INO80: variants seen among roughly 807,000 people sequenced by gnomAD.
INO80 encodes chromatin-remodeling ATPase INO80.
In INO80, 20 loss-of-function variants were observed where a neutral mutation model predicts 203.4. The ratio of observed to expected loss-of-function variants is 0.10; its 90% CI spans 0.07 to 0.14. The LOEUF (loss-of-function observed/expected upper bound fraction) is 0.14, where lower values mean the gene tolerates loss of function less well. Ranked by LOEUF, INO80 falls within the 10% of genes least tolerant of loss-of-function variation. The probability of loss-of-function intolerance (pLI) is 1.00; values close to 1 mark genes in which losing one functional copy is unlikely to be tolerated. For missense variants in INO80, 1,419 were observed against 1,914.4 expected, an observed-to-expected ratio of 0.74 and a Z score of 4.83; for synonymous variants, 726 against 685.2, an observed-to-expected ratio of 1.06 and a Z score of -0.93.
intron 10 of INO80, 24 bp downstream of exon 10, chr15:41,074,346 T>C (rs760914295): frequency 1.9e-6 from 3 of 1,548,430 alleles, no homozygotes; most frequent in Non-Finnish European, 2.6e-6. Context: ...GTAGCCTTCC[T>C]CTAAGTCCTG....
intron 27 of INO80, among the ~76,000 whole-genome samples, chr15:41,013,768 A>T (rs2044164591): frequency 6.6e-6 from 1 of 152,250 alleles, no homozygotes; most frequent in Admixed American, 6.5e-5. Context: ...TAAAACATAC[A>T]AATAGTTGCA....
At chr15:41,002,222 G>A (rs2043968404) in intron 28 of INO80, among the ~76,000 whole-genome samples, 1 of 152,210 alleles carries the variant, frequency 6.6e-6, no homozygotes, top group Admixed American at 6.5e-5. Context: ...AAGTTGTAGA[G>A]TCTGAAGGCT....
chr15:41,037,441 T>C (rs1026359402), intron 24 of INO80, among the ~76,000 whole-genome samples: 2 of 151,938 alleles, frequency 1.3e-5, no homozygotes, highest in Non-Finnish European at 2.9e-5. Context: ...GAGGCAGAGG[T>C]TGCAGTGAGC....
intron 29 of INO80, among the ~76,000 whole-genome samples, chr15:40,991,313 T>C (rs2043814213): frequency 6.6e-6 from 1 of 152,084 alleles, no homozygotes; most frequent in South Asian, 2.1e-4. Context: ...GCGGAAAATA[T>C]GAAATACGTA....
chr15:40,997,917 T>G (rs1385773827), intron 28 of INO80, among the ~76,000 whole-genome samples: 2 of 152,100 alleles, frequency 1.3e-5, no homozygotes, highest in Non-Finnish European at 2.9e-5. Flanking sequence ...CCTCTCTCAC[T>G]GTCATATTTT....
At chr15:41,054,475 C>A (rs969450872) in intron 18 of INO80, among the ~76,000 whole-genome samples, 1 of 151,982 alleles carries the variant, frequency 6.6e-6, no homozygotes, top group African/African-American at 2.4e-5. Flanking sequence ...TCAACAATAT[C>A]AAAAGTATTG....
Position 41,003,329 on chromosome 15 carries a change from C to CTTTTTTTTTTTTTTTTTTTTTT in INO80, c.3497+2263_3497+2264insAAAAAAAAAAAAAAAAAAAAAA, listed in dbSNP as rs771356698. ...TGGGATTGTGGGTGATTTTTCTTTT[C>CTTTTTTTTTTTTTTTTTTTTTT]TTTTCTTTTTTTTTTTTTTGAGATG... On this transcript the variant is annotated intron_variant, in intron 28 of 35. Transcript: ENST00000648947. Among the ~76,000 whole-genome samples the CTTTTTTTTTTTTTTTTTTTTTT allele has an allele frequency of 3.7e-5, 4 of 107,576 alleles. 2 individuals are homozygous for CTTTTTTTTTTTTTTTTTTTTTT. Among genetic ancestry groups the CTTTTTTTTTTTTTTTTTTTTTT allele is most frequent in the Non-Finnish European group, 3.7e-5 (2 of 53,386 alleles). The allele number at this position is 107,576 out of a possible 152,430, so 70.6% of individuals were successfully genotyped here. A position where few individuals can be genotyped will look rare whatever the true frequency, so the allele number is the denominator to read the frequency against.
Position 41,071,796 on chromosome 15 carries a change from A to T in INO80, c.1605+53T>A. 9.5e-6 allele frequency: 14 copies of T among 1,477,150 alleles called. No homozygotes were observed. The South Asian group carries it at 1.5e-4, about 16-fold the overall frequency. 91.5% of individuals were successfully genotyped at this position (1,477,150 alleles called of 1,614,324 possible). A position where few individuals can be genotyped will look rare whatever the true frequency, so the allele number is the denominator to read the frequency against. On this transcript the variant is annotated intron_variant, in intron 12 of 35. Transcript: ENST00000648947. ...CTCATTTCACAATCACATTGAACAA[A>T]TGACTTTAGGAAAAGAGATAATAGA... is the stretch of plus-strand genomic sequence containing the variant.
At chr15:40,992,654 C>T (rs771116011) in intron 29 of INO80, among the ~76,000 whole-genome samples, 5 of 152,208 alleles carry the variant, frequency 3.3e-5, no homozygotes, top group African/African-American at 4.8e-5. Flanking sequence ...AGTATATCCT[C>T]GGAATTAATT....
At chr15:41,025,425 T>C (rs1032792663) in intron 25 of INO80, among the ~76,000 whole-genome samples, 2 of 152,078 alleles carry the variant, frequency 1.3e-5, no homozygotes, top group African/African-American at 4.8e-5. Flanking sequence ...CTTTAAACAC[T>C]GGGAACAGGC....
At chr15:40,986,566 C>T (rs1180322803) in intron 31 of INO80, among the ~76,000 whole-genome samples, 3 of 151,948 alleles carry the variant, frequency 2.0e-5, no homozygotes, top group Admixed American at 1.3e-4. Flanking sequence ...CCTCGTGATC[C>T]ACCTGCCTCG....
chr15:41,032,038 CACAGCACAGCACAGCACAGCACAGG>C lies in INO80; in HGVS notation c.2908-4327_2908-4303del, dbSNP rs2140491381. On this transcript the variant is annotated intron_variant, in intron 24 of 35. Transcript: ENST00000648947. ...CACAGCACAGCACAGCACAGCACAG[CACAGCACAGCACAGCACAGCACAGG>C]ACAGCACAGGACAGCACAGCACAGC... Among the ~76,000 whole-genome samples the C allele has an allele frequency of 2.6e-5, 2 of 77,488 alleles. 1 individual carries two copies. Among genetic ancestry groups the C allele is most frequent in the South Asian group, 1.1e-3 (2 of 1,836 alleles). The allele number at this position is 77,488 out of a possible 152,430, so 50.8% of individuals were successfully genotyped here.
At position 41,042,165 on chromosome 15, in the gene INO80, A is replaced by G. The variant is rs532372785; in HGVS notation, c.2907+2739T>C. Among the ~76,000 whole-genome samples, 18 of 151,954 alleles carry G rather than the reference A, an allele frequency of 1.2e-4. No individual in the cohort carries two copies. The East Asian group carries it at 3.5e-3, about 30-fold the overall frequency. On this transcript the variant is annotated intron_variant, in intron 24 of 35. Transcript: ENST00000648947. Reference sequence around the variant, plus strand: ...GTAGCTGAGATTACAGGTATGTGCCACCACACCCGGCTAATTGTTTTTGTA... The same window carrying G: ...GTAGCTGAGATTACAGGTATGTGCCGCCACACCCGGCTAATTGTTTTTGTA...
chr15:40,998,750 T>C (rs2043915988), intron 28 of INO80, among the ~76,000 whole-genome samples: 1 of 151,872 alleles, frequency 6.6e-6, no homozygotes, highest in Non-Finnish European at 1.5e-5. Flanking sequence ...ACCTCCTTGG[T>C]TCAAGCAGTT....
intron 28 of INO80, chr15:41,004,527 C>T (rs2044008962): frequency 6.6e-6 from 1 of 152,198 alleles, no homozygotes; most frequent in Admixed American, 6.5e-5. Flanking sequence ...TTCCTTGGCT[C>T]TCCAGGTCTA....
rs7173954 is a variant in INO80, at chr15:40,982,816, T to G, written c.4453+46A>C. 510,116 of 1,462,156 alleles carry G rather than the reference T, an allele frequency of 0.35. 94,149 individuals are homozygous for G. Among genetic ancestry groups the G allele is most frequent in the Middle Eastern group, 0.39 (1,574 of 4,066 alleles). The allele number at this position is 1,462,156 out of a possible 1,614,324, so 90.6% of individuals were successfully genotyped here. A position where few individuals can be genotyped will look rare whatever the true frequency, so the allele number is the denominator to read the frequency against. On this transcript the variant is annotated intron_variant, in intron 35 of 35. Transcript: ENST00000648947. ...TACCTGACTGACAGAATTTCTAGAC[T>G]GTCTCTGACCAGAACAAAGTCTGCA...
chr15:41,007,682 C>T (rs1485699090), intron 27 of INO80, among the ~76,000 whole-genome samples: 1 of 150,724 alleles, frequency 6.6e-6, no homozygotes, highest in East Asian at 1.9e-4. Flanking sequence ...CCTTCCACTG[C>T]TTCAAGTCTT....
At chr15:41,012,166 A>C (rs1371637433) in intron 27 of INO80, among the ~76,000 whole-genome samples, 1 of 152,222 alleles carries the variant, frequency 6.6e-6, no homozygotes, top group Non-Finnish European at 1.5e-5. Flanking sequence ...GTCCCTAACC[A>C]TGGTAAAACT....
chr15:41,055,023 T>C (rs569402118), intron 18 of INO80, among the ~76,000 whole-genome samples: 2 of 152,310 alleles, frequency 1.3e-5, no homozygotes, highest in Admixed American at 1.3e-4. Flanking sequence ...TGATCTGCCT[T>C]GATTAGACAA....
Sources: gnomAD v4.1 joint callset for allele counts (sites outside exome capture counted in the v4.1 genomes callset) on GRCh38, gnomAD v4.1.1 for gene constraint, MANE v1.5 for transcripts, NCBI Gene and HGNC (gene_info 2026-07-23, HGNC 2026-07-21) for gene names.